B3GALT1: variants seen among roughly 807,000 people sequenced by gnomAD.
B3GALT1 encodes beta-1,3-galactosyltransferase 1.
A neutral mutation model predicts 23.2 loss-of-function variants in B3GALT1; 10 were observed. The ratio of observed to expected loss-of-function variants is 0.43; its 90% CI spans 0.27 to 0.73. The LOEUF (loss-of-function observed/expected upper bound fraction) is 0.73, where lower values mean the gene tolerates loss of function less well. Among genes scored for constraint, B3GALT1 ranks in the 30% least tolerant of loss-of-function variants. B3GALT1 has a pLI of 0.21. For synonymous variants in B3GALT1, 156 were observed against 141.5 expected, an observed-to-expected ratio of 1.10 and a Z score of -0.73; for missense variants, 299 against 405.4, an observed-to-expected ratio of 0.74 and a Z score of 2.25.
At chr2:167,456,291 TAAAG>T (rs1344856011) in intron 1 of B3GALT1, among the ~76,000 whole-genome samples, 1 of 152,096 alleles carries the variant, frequency 6.6e-6, no homozygotes, top group Non-Finnish European at 1.5e-5. Flanking sequence ...CATGAACTAA[TAAAG>T]AACTCACTTA....
chr2:167,709,939 C>T (rs1472910292), intron 3 of B3GALT1, among the ~76,000 whole-genome samples: 1 of 152,014 alleles, frequency 6.6e-6, no homozygotes, highest in East Asian at 1.9e-4. Context: ...TGACACATAG[C>T]ACATGCTCAA....
intron 2 of B3GALT1, among the ~76,000 whole-genome samples, chr2:167,528,327 C>T (rs191321666): frequency 5.9e-5 from 9 of 152,190 alleles, no homozygotes; most frequent in Admixed American, 4.6e-4. Context: ...GAGACTCTGC[C>T]CTTTGGCCTC....
intron 1 of B3GALT1, among the ~76,000 whole-genome samples, chr2:167,451,818 A>T (rs1699096665): frequency 1.3e-5 from 2 of 152,074 alleles, no homozygotes; most frequent in African/African-American, 2.4e-5. Flanking sequence ...GTTCAGGGTG[A>T]TGTATGTCTG....
intron 1 of B3GALT1, among the ~76,000 whole-genome samples, chr2:167,457,817 A>G (rs1699194534): frequency 6.6e-6 from 1 of 152,152 alleles, no homozygotes; most frequent in Non-Finnish European, 1.5e-5. Context: ...AGAATTTATT[A>G]GAAATGTGAT....
intron 1 of B3GALT1, among the ~76,000 whole-genome samples, chr2:167,439,072 A>G (rs1431176166): frequency 6.6e-5 from 10 of 152,218 alleles, no homozygotes; most frequent in Admixed American, 5.9e-4. Context: ...GAAAGAACAA[A>G]GTTGCCTTAT....
At chr2:167,381,074 TG>T (rs1697841265) in intron 1 of B3GALT1, among the ~76,000 whole-genome samples, 1 of 152,114 alleles carries the variant, frequency 6.6e-6, no homozygotes, top group Non-Finnish European at 1.5e-5. Context: ...TTTTTTTATT[TG>T]TTTATTTGTT....
chr2:167,349,900 A>C (rs1169859880), intron 1 of B3GALT1, among the ~76,000 whole-genome samples: 1 of 152,176 alleles, frequency 6.6e-6, no homozygotes, highest in Non-Finnish European at 1.5e-5. Context: ...TTTGTATTTA[A>C]ATTTTTCTTT....
At position 167,686,590 on chromosome 2, in the gene B3GALT1, A is replaced by G. The variant is rs528162971; in HGVS notation, c.-352+39624A>G. Among the ~76,000 whole-genome samples, 9 of 152,270 alleles carry G rather than the reference A, an allele frequency of 5.9e-5. No individual in the cohort carries two copies. In the South Asian group the frequency reaches 1.9e-3, roughly 32 times the overall value. On this transcript the variant is annotated intron_variant, in intron 3 of 4. Transcript: ENST00000392690. ...ATGATTTTGTTTTTGTTTTCAATTG[A>G]AAAGAACAACATTTTAGTAAGTTTT...
chr2:167,563,812 G>A lies in B3GALT1; in HGVS notation c.-410+73535G>A, dbSNP rs369647066. ...CCCCACCTCCCCCCCGGAGGGAGCG[G>A]CTGGCCGGGCAGAGAGGCTCCCCAC... is the stretch of plus-strand genomic sequence containing the variant. On this transcript the variant is annotated intron_variant, in intron 2 of 4. Transcript: ENST00000392690. 7.2e-4 allele frequency among the ~76,000 whole-genome samples: 102 copies of A among 142,170 alleles called. No individual in the cohort carries two copies. In the East Asian group the frequency reaches 0.019, roughly 26 times the overall value. The allele number at this position is 142,170 out of a possible 152,430, so 93.3% of individuals were successfully genotyped here. A position where few individuals can be genotyped will look rare whatever the true frequency, so the allele number is the denominator to read the frequency against.
At chr2:167,683,765 A>G (rs1339316766) in intron 3 of B3GALT1, among the ~76,000 whole-genome samples, 2 of 152,134 alleles carry the variant, frequency 1.3e-5, no homozygotes, top group African/African-American at 4.8e-5. Flanking sequence ...ACACACACAC[A>G]CATCAAAGAC....
At chr2:167,727,163 GAC>G (rs1348227279) in intron 3 of B3GALT1, among the ~76,000 whole-genome samples, 3 of 152,086 alleles carry the variant, frequency 2.0e-5, no homozygotes, top group Admixed American at 2.0e-4. Flanking sequence ...CAAAACGAAG[GAC>G]AGTTTTGCAA....
At chr2:167,770,097 TTTTTG>T (rs746560546) in intron 3 of B3GALT1, among the ~76,000 whole-genome samples, 2 of 152,100 alleles carry the variant, frequency 1.3e-5, no homozygotes, top group Non-Finnish European at 2.9e-5. Context: ...TTTATTTAGG[TTTTTG>T]TTTTGTTTTG....
At chr2:167,442,140 T>C (rs1698904949) in intron 1 of B3GALT1, among the ~76,000 whole-genome samples, 1 of 152,020 alleles carries the variant, frequency 6.6e-6, no homozygotes, top group Non-Finnish European at 1.5e-5. Flanking sequence ...TTTGGTTTTT[T>C]GTTCTTGCGA....
chr2:167,410,363 C>T (rs537065608), intron 1 of B3GALT1, among the ~76,000 whole-genome samples: 3 of 151,938 alleles, frequency 2.0e-5, no homozygotes, highest in Admixed American at 6.6e-5. Context: ...CAGTGGCAGA[C>T]GCCTGTAGTC....
intron 1 of B3GALT1, among the ~76,000 whole-genome samples, chr2:167,388,759 G>T (rs1356703418): frequency 6.6e-6 from 1 of 152,108 alleles, no homozygotes; most frequent in African/African-American, 2.4e-5. Context: ...GGCAATAGAA[G>T]GATTTGTTTA....
intron 3 of B3GALT1, among the ~76,000 whole-genome samples, chr2:167,665,536 T>C (rs535531469): frequency 1.3e-5 from 2 of 151,412 alleles, no homozygotes; most frequent in South Asian, 4.2e-4. Context: ...TCAGAAGGAA[T>C]GGTACCAGTT....
intron 1 of B3GALT1, among the ~76,000 whole-genome samples, chr2:167,362,578 A>G (rs866787188): frequency 6.7e-4 from 102 of 151,626 alleles, no homozygotes; most frequent in African/African-American, 2.3e-3. Context: ...TCCCACCCCC[A>G]TTCCTTCATC....
chr2:167,549,539 A>G (rs548421498), intron 2 of B3GALT1, among the ~76,000 whole-genome samples: 1 of 152,146 alleles, frequency 6.6e-6, no homozygotes, highest in Non-Finnish European at 1.5e-5. Flanking sequence ...TTCCCTTCCT[A>G]TGTTCAATTC....
At chr2:167,786,060 A>G (rs1345055134) in intron 3 of B3GALT1, among the ~76,000 whole-genome samples, 1 of 152,184 alleles carries the variant, frequency 6.6e-6, no homozygotes, top group East Asian at 1.9e-4. Context: ...CTGAGTCACT[A>G]TAGCTATTAA....
Sources: gnomAD v4.1 joint callset for allele counts (sites outside exome capture counted in the v4.1 genomes callset) on GRCh38, gnomAD v4.1.1 for gene constraint, MANE v1.5 for transcripts, NCBI Gene and HGNC (gene_info 2026-07-23, HGNC 2026-07-21) for gene names.